DLG2: variants seen among roughly 807,000 people sequenced by gnomAD.
The protein encoded by DLG2 is disks large homolog 2.
Under a neutral mutation model 132.5 loss-of-function variants are expected in DLG2, and 45 were observed. The ratio of observed to expected loss-of-function variants is 0.34; its 90% CI spans 0.27 to 0.44. The LOEUF is 0.44. Ranked by LOEUF, DLG2 falls within the 20% of genes least tolerant of loss-of-function variation. DLG2 has a pLI of 1.00. For synonymous variants in DLG2, 424 were observed against 419.6 expected (o/e 1.01, Z -0.13); for missense variants, 1,045 against 1,196.9 (o/e 0.87, Z 1.87).
Position 85,091,023 on chromosome 11 carries a change from G to A in DLG2, c.357+20638C>T, listed in dbSNP as rs117317802. On this transcript the variant is annotated intron_variant, in intron 6 of 27. Transcript: ENST00000376104. ...GTTCTCTTTAACAATCAGCTCTCAT[G>A]GGAACTAATAGAGCAAGAACTCACT... Among the ~76,000 whole-genome samples the A allele has an allele frequency of 0.011, 1,673 of 152,186 alleles. 86 individuals carry two copies. The East Asian group carries it at 0.15, about 14-fold the overall frequency.
intron 6 of DLG2, among the ~76,000 whole-genome samples, chr11:84,723,429 C>G (rs2062057003): frequency 6.6e-6 from 1 of 152,072 alleles, no homozygotes; most frequent in African/African-American, 2.4e-5. Context: ...GTTCATTTCT[C>G]TGTATGTGCA....
chr11:83,931,302 T>G (rs1014475699), intron 14 of DLG2, among the ~76,000 whole-genome samples: 6 of 152,344 alleles, frequency 3.9e-5, no homozygotes, highest in African/African-American at 1.4e-4. Context: ...AAATGGTAGC[T>G]GATCTAAACT....
chr11:85,471,451 T>A (rs2092981166), intron 3 of DLG2, among the ~76,000 whole-genome samples: 1 of 152,112 alleles, frequency 6.6e-6, no homozygotes, highest in Non-Finnish European at 1.5e-5. Context: ...AAAATGATGG[T>A]ATTTAAATGT....
chr11:83,769,317 T>C (rs1254952047), intron 18 of DLG2, among the ~76,000 whole-genome samples: 3 of 152,208 alleles, frequency 2.0e-5, no homozygotes, highest in African/African-American at 7.2e-5. Context: ...CACTCAAATT[T>C]TTATTGATCA....
chr11:83,907,673 A>T (rs61901824), intron 15 of DLG2, among the ~76,000 whole-genome samples: 1 of 151,892 alleles, frequency 6.6e-6, no homozygotes, highest in Non-Finnish European at 1.5e-5. Context: ...ATGGTCAGTT[A>T]TTATTATTAA....
chr11:84,989,099 C>T (rs564538909), intron 6 of DLG2, among the ~76,000 whole-genome samples: 7 of 152,220 alleles, frequency 4.6e-5, no homozygotes, highest in Middle Eastern at 3.4e-3. Flanking sequence ...TTTACAACTG[C>T]TCAAAAAAAT....
At chr11:84,172,701 C>T (rs566438654) in intron 8 of DLG2, among the ~76,000 whole-genome samples, 8 of 152,138 alleles carry the variant, frequency 5.3e-5, no homozygotes, top group Middle Eastern at 3.4e-3. Context: ...CGCCACCATG[C>T]GCAGCTAATT....
chr11:85,353,923 C>T (rs367883367), intron 3 of DLG2, among the ~76,000 whole-genome samples: 18 of 151,468 alleles, frequency 1.2e-4, no homozygotes, highest in African/African-American at 2.4e-4. Context: ...ACCAACATGG[C>T]GCATGTATAC....
chr11:83,586,192 G>C (rs1024337127), intron 19 of DLG2, among the ~76,000 whole-genome samples: 3 of 152,218 alleles, frequency 2.0e-5, no homozygotes, highest in Non-Finnish European at 4.4e-5. Context: ...GCATTGCCCA[G>C]GTCAGGAGCC....
intron 6 of DLG2, among the ~76,000 whole-genome samples, chr11:85,037,451 G>T (rs1260771185): frequency 6.6e-6 from 1 of 152,122 alleles, no homozygotes; most frequent in Non-Finnish European, 1.5e-5. Context: ...TAAATTTAAT[G>T]GAGTAGACAT....
At chr11:83,748,109 T>G (rs1354554237) in intron 18 of DLG2, among the ~76,000 whole-genome samples, 1 of 152,238 alleles carries the variant, frequency 6.6e-6, no homozygotes, top group Non-Finnish European at 1.5e-5. Flanking sequence ...TTCCTTTAGA[T>G]AGATTCTGTA....
chr11:83,902,022 A>AT (rs138423997), intron 15 of DLG2, among the ~76,000 whole-genome samples: 10 of 151,546 alleles, frequency 6.6e-5, no homozygotes, highest in South Asian at 2.1e-4. Flanking sequence ...TATTCAAGGT[A>AT]TTTTTTTTTC....
chr11:84,615,099 C>T (rs551367345), intron 6 of DLG2, among the ~76,000 whole-genome samples: 3 of 152,118 alleles, frequency 2.0e-5, no homozygotes, highest in African/African-American at 7.2e-5. Flanking sequence ...TTGATTTATT[C>T]TGTCACTACA....
chr11:85,134,043 A>G (rs1418071668), intron 5 of DLG2, among the ~76,000 whole-genome samples: 1 of 152,010 alleles, frequency 6.6e-6, no homozygotes, highest in Non-Finnish European at 1.5e-5. Flanking sequence ...AGTGAGGGAG[A>G]GTGAGGGAGA....
At chr11:84,766,632 A>AT (rs1482501328) in intron 6 of DLG2, among the ~76,000 whole-genome samples, 1 of 152,078 alleles carries the variant, frequency 6.6e-6, no homozygotes, top group Admixed American at 6.6e-5. Flanking sequence ...CCTGTCTCAC[A>AT]TTCAGTTTCA....
chr11:85,282,796 T>C (rs76776049), intron 4 of DLG2, among the ~76,000 whole-genome samples: 5,696 of 152,106 alleles, frequency 0.037, 145 homozygotes, highest in Admixed American at 0.05. Flanking sequence ...TGTATGTTCA[T>C]TGCAGCACTA....
intron 4 of DLG2, among the ~76,000 whole-genome samples, chr11:85,167,231 A>C (rs2078517814): frequency 6.6e-6 from 1 of 152,174 alleles, no homozygotes; most frequent in Admixed American, 6.6e-5. Flanking sequence ...TGTACAGATC[A>C]GCCTGAGTCA....
At chr11:83,621,466 A>G (rs1468632935) in intron 19 of DLG2, among the ~76,000 whole-genome samples, 1 of 152,160 alleles carries the variant, frequency 6.6e-6, no homozygotes, top group Admixed American at 6.5e-5. Flanking sequence ...CTTTTGCAGA[A>G]CAAGAAGACC....
chr11:85,415,540 AT>A (rs2089755735), intron 3 of DLG2, among the ~76,000 whole-genome samples: 1 of 152,242 alleles, frequency 6.6e-6, no homozygotes, highest in Admixed American at 6.5e-5. Flanking sequence ...TGACTTTTTA[AT>A]GATCACCATT....
Sources: gnomAD v4.1 joint callset for allele counts (sites outside exome capture counted in the v4.1 genomes callset) on GRCh38, gnomAD v4.1.1 for gene constraint, MANE v1.5 for transcripts, NCBI Gene and HGNC (gene_info 2026-07-23, HGNC 2026-07-21) for gene names.